CEP350: variants seen among roughly 807,000 people sequenced by gnomAD.
The protein encoded by CEP350 is centrosomal protein 350.
In CEP350, 126 loss-of-function variants were observed where a neutral mutation model predicts 331.8. That is an observed-to-expected ratio of 0.38 (90% CI 0.33 to 0.44). CEP350 has a LOEUF of 0.44. Among genes scored for constraint, CEP350 ranks in the 20% least tolerant of loss-of-function variants. The pLI is 1.00. For missense variants in CEP350, 3,406 were observed against 3,634.6 expected (o/e 0.94, Z 1.62); for synonymous variants, 1,200 against 1,259.5 (o/e 0.95, Z 1.00).
At chr1:180,062,931 T>A (rs1175829200) in intron 26 of CEP350, among the ~76,000 whole-genome samples, 4 of 152,196 alleles carry the variant, frequency 2.6e-5, no homozygotes. Context: ...AGAGTTTTAT[T>A]TTTTTCCTAT....
At chr1:179,977,889 C>A (rs892484212) in intron 1 of CEP350, among the ~76,000 whole-genome samples, 2 of 151,170 alleles carry the variant, frequency 1.3e-5, no homozygotes, top group East Asian at 3.9e-4. Flanking sequence ...ATTCTGTAAG[C>A]TTTTGTTCAA....
intron 4 of CEP350, among the ~76,000 whole-genome samples, chr1:179,991,438 C>T (rs566798831): frequency 6.7e-6 from 1 of 149,808 alleles, no homozygotes; most frequent in East Asian, 2.0e-4. Flanking sequence ...TGAGTAGCCG[C>T]GCCACCGGGC....
chr1:180,044,924 C>T (rs1657022965), intron 21 of CEP350, among the ~76,000 whole-genome samples: 1 of 150,990 alleles, frequency 6.6e-6, no homozygotes, highest in Admixed American at 6.6e-5. Context: ...CATTCAAGGT[C>T]ACATAAATAA....
intron 25 of CEP350, among the ~76,000 whole-genome samples, chr1:180,057,917 CTA>C (rs1262604362): frequency 6.6e-6 from 1 of 152,140 alleles, no homozygotes; most frequent in African/African-American, 2.4e-5. Context: ...CCTTAGCCCT[CTA>C]TGTGCTACTT....
intron 27 of CEP350, among the ~76,000 whole-genome samples, chr1:180,072,769 C>G (rs948802316): frequency 1.3e-5 from 2 of 152,176 alleles, no homozygotes; most frequent in Admixed American, 1.3e-4. Flanking sequence ...CATAATTTTA[C>G]AAATCCAAGT....
chr1:179,977,257 A>G (rs1285574718), intron 1 of CEP350, among the ~76,000 whole-genome samples: 1 of 152,232 alleles, frequency 6.6e-6, no homozygotes, highest in Non-Finnish European at 1.5e-5. Context: ...TGATATCTCT[A>G]GTATTTACAC....
Position 180,031,386 on chromosome 1 carries a change from C to G in CEP350, c.3617C>G (p.Ser1206Cys), listed in dbSNP as rs1656009778. The change falls in exon 15 of 38, where the codon TCC (serine) becomes TGC (cysteine). Residue 1206 changes from serine to cysteine, a missense_variant. Physicochemically the swap from Ser to Cys is moderately radical, Grantham distance 112 (BLOSUM62 -1). Around this residue, in one of 5 missense-constraint regions of CEP350, gnomAD observed 1,857 missense variants for 1,909.2 expected, o/e 0.97. Transcript: ENST00000367607. ...GATGAGGAAAAAGCAGAACGTGGCT[C>G]CCATCAAGGAAAGAAATCTGGGACC... ...LLDEEKAERGSHQGKKSGTSS... is the reference protein window; with the variant it reads ...LLDEEKAERGCHQGKKSGTSS... The G allele has an allele frequency of 6.2e-7, 1 of 1,608,046 alleles. No individual in the cohort carries two copies. Among genetic ancestry groups the G allele is most frequent in the Admixed American group, 1.7e-5 (1 of 59,638 alleles).
At chr1:180,012,128 G>T in intron 9 of CEP350, 53 bp downstream of exon 9, 1 of 1,448,962 alleles carries the variant, frequency 6.9e-7, no homozygotes, top group South Asian at 1.3e-5. Context: ...TTGCTATTAA[G>T]TACTTAGAGA....
At chr1:179,967,841 G>A (rs748396039) in intron 1 of CEP350, among the ~76,000 whole-genome samples, 4 of 151,862 alleles carry the variant, frequency 2.6e-5, no homozygotes, top group African/African-American at 7.3e-5. Context: ...ATTTTTTTAC[G>A]TGTTACCGTG....
At chr1:180,027,723 C>T (rs1304586784) in intron 14 of CEP350, among the ~76,000 whole-genome samples, 1 of 152,118 alleles carries the variant, frequency 6.6e-6, no homozygotes, top group Non-Finnish European at 1.5e-5. Flanking sequence ...AACTCTTTCC[C>T]CATTGCTGGA....
In CEP350 at chr1:180,020,312, A is replaced by G. The variant is rs372530857; in HGVS notation, c.2538A>G (p.Leu846=). 3.1e-6 allele frequency: 5 copies of G among 1,613,934 alleles called. No individual in the cohort carries two copies. In the African/African-American group the frequency reaches 6.7e-5, roughly 22 times the overall value. Residue 846 remains leucine (L), a synonymous_variant, in exon 12 of 38, where the codon TTA becomes TTG. Transcript: ENST00000367607. The part of the protein sequence containing the change: ...SSRIESEAKK[L]AGASINYGSA... ...GAATTGAAAGTGAAGCCAAGAAATT[A>G]GCTGGGGCCAGCATTAACTATGGGT... is the stretch of plus-strand genomic sequence containing the variant.
chr1:180,078,392 GT>G, intron 28 of CEP350, 70 bp from the exon 29 acceptor site: 3 of 1,118,498 alleles, frequency 2.7e-6, no homozygotes. Flanking sequence ...TAAAAACAAT[GT>G]TTATTAGTGT....
intron 15 of CEP350, 84 bp from the exon 16 acceptor site, chr1:180,033,778 T>C: frequency 7.4e-7 from 1 of 1,359,216 alleles, no homozygotes; most frequent in Non-Finnish European, 1.0e-6. Flanking sequence ...GATAGTTTTT[T>C]TATATGTTGT....
rs5779043 is a variant in CEP350, at chr1:180,047,757, CAAAAAA to C, written c.4623-763_4623-758del. ...GCCTGGGCGACAGAATGAAACTCCT[CAAAAAA>C]AAAAAAAAAAAAAAAGAAAAGAAAA... On this transcript the variant is annotated intron_variant, in intron 21 of 37. Transcript: ENST00000367607. Among the ~76,000 whole-genome samples, 5 of 74,046 alleles carry C rather than the reference CAAAAAA, an allele frequency of 6.8e-5. 1 individual carries two copies. The highest frequency in any genetic ancestry group is 4.9e-4 in the South Asian group (1 of 2,046). The allele number at this position is 74,046 out of a possible 152,430, so 48.6% of individuals were successfully genotyped here.
chr1:180,050,687 AAAAC>A (rs1558127256), intron 22 of CEP350, among the ~76,000 whole-genome samples: 2 of 151,196 alleles, frequency 1.3e-5, no homozygotes, highest in Non-Finnish European at 3.0e-5. Context: ...AAAAAAAAAA[AAAAC>A]AAAAAAACCT....
chr1:179,962,746 A>G (rs930685954), intron 1 of CEP350, among the ~76,000 whole-genome samples: 11 of 152,174 alleles, frequency 7.2e-5, no homozygotes, highest in African/African-American at 1.7e-4. Context: ...GTTTGATTCA[A>G]TGACTTTGCT....
chr1:180,047,638 T>C (rs1454342580), intron 21 of CEP350, among the ~76,000 whole-genome samples: 1 of 150,688 alleles, frequency 6.6e-6, no homozygotes, highest in Non-Finnish European at 1.5e-5. Flanking sequence ...GGCACATGCC[T>C]GTAATCCTAG....
At chr1:180,038,795 T>C (rs1459973488) in intron 17 of CEP350, among the ~76,000 whole-genome samples, 1 of 152,240 alleles carries the variant, frequency 6.6e-6, no homozygotes, top group African/African-American at 2.4e-5. Context: ...ATTGGAAATA[T>C]TGTATTCCAG....
chr1:180,069,448 AAAT>A (rs774397745), intron 27 of CEP350, among the ~76,000 whole-genome samples: 2 of 152,188 alleles, frequency 1.3e-5, no homozygotes, highest in South Asian at 2.1e-4. Context: ...AGATTGTCTT[AAAT>A]AATAATGTTA....
Sources: allele counts gnomAD v4.1 joint callset (sites outside exome capture counted in the v4.1 genomes callset), GRCh38; gene constraint gnomAD v4.1.1; regional missense constraint gnomAD v4.1.1; transcripts MANE v1.5; gene names NCBI Gene and HGNC (gene_info 2026-07-23, HGNC 2026-07-21).